The following RPS24 variants were observed in gnomAD, a reference collection of about 807,000 sequenced individuals.
RPS24 encodes ribosomal protein S24, also known as small ribosomal subunit protein eS24.
For synonymous variants in RPS24, 72 were observed against 55.6 expected, an observed-to-expected ratio of 1.30 and a Z score of -1.31; for missense variants, 100 against 162.5, an observed-to-expected ratio of 0.62 and a Z score of 2.09.
exon 5 of RPS24, chr10:78,055,691 T>C (rs1266301701): frequency 6.6e-6 from 1 of 152,148 alleles, no homozygotes; most frequent in East Asian, 1.9e-4. Flanking sequence ...GAAACTGAGG[T>C]ACACAAAAGG....
intron 4 of RPS24, chr10:78,038,020 C>A: frequency 8.0e-7 from 1 of 1,243,632 alleles, no homozygotes; most frequent in Non-Finnish European, 1.1e-6. Context: ...GATGCATCAC[C>A]TTCACTGAGT....
intron 4 of RPS24, among the ~76,000 whole-genome samples, chr10:78,054,348 A>G (rs1848129819): frequency 6.6e-6 from 1 of 152,156 alleles, no homozygotes; most frequent in Non-Finnish European, 1.5e-5. Context: ...GAACTCCTGC[A>G]GGTACCTGGC....
chr10:78,047,617 T>C (rs906711452), intron 4 of RPS24, among the ~76,000 whole-genome samples: 1 of 152,188 alleles, frequency 6.6e-6, no homozygotes, highest in East Asian at 1.9e-4. Context: ...ATCTTGTTTA[T>C]AGGATTCGGC....
At chr10:78,042,700 C>T (rs1055398532), downstream of RPS24, among the ~76,000 whole-genome samples, 1 of 152,106 alleles carries the variant, frequency 6.6e-6, no homozygotes, top group Non-Finnish European at 1.5e-5. Context: ...TTAGAGAGAG[C>T]AGGGATCTTT....
At chr10:78,037,824 T>A (rs1847905343) in intron 4 of RPS24, 1 of 530,642 alleles carries the variant, frequency 1.9e-6, no homozygotes, top group African/African-American at 2.0e-5. Flanking sequence ...TAGCTGTAAA[T>A]AGTTGGACAT....
At chr10:78,038,471 A>T (rs1274047004) in intron 4 of RPS24, 28 of 151,958 alleles carry the variant, frequency 1.8e-4, no homozygotes, top group Admixed American at 1.8e-3. Context: ...GTTTGGATAT[A>T]CGCAAAACTG....
At chr10:78,046,223 C>T (rs1442279784) in intron 4 of RPS24, among the ~76,000 whole-genome samples, 5 of 152,086 alleles carry the variant, frequency 3.3e-5, no homozygotes, top group African/African-American at 1.2e-4. Context: ...CTGTCTCTGC[C>T]CTCAAGAAGC....
chr10:78,034,124 C>T lies in RPS24; in HGVS notation c.3+220C>T, dbSNP rs79606962. 0.019 allele frequency: 11,292 copies of T among 589,028 alleles called. 988 individuals are homozygous for T. The highest frequency in any genetic ancestry group is 0.19 in the African/African-American group (10,074 of 53,670). 36.5% of individuals were successfully genotyped at this position (589,028 alleles called of 1,614,324 possible). A position where few individuals can be genotyped will look rare whatever the true frequency, so the allele number is the denominator to read the frequency against. The stretch of plus-strand genomic sequence containing the variant: ...ACACGCTGGGCTTCGGGCTCCAGCG[C>T]CTGGGCAGTGCAGGAGCTGTTGCGC... On this transcript the variant is annotated intron_variant, in intron 1 of 5. Transcript: ENST00000372360.
chr10:78,036,993 T>C (rs2131979251), intron 3 of RPS24, among the ~76,000 whole-genome samples: 1 of 152,326 alleles, frequency 6.6e-6, no homozygotes. Context: ...GGACCATTTG[T>C]TTCCTGTGAG....
At chr10:78,037,648 G>A (rs967626783) in intron 4 of RPS24, 2 of 328,126 alleles carry the variant, frequency 6.1e-6, no homozygotes, top group Non-Finnish European at 1.2e-5. Flanking sequence ...CCCATTCCCT[G>A]TGATTTTACT....
chr10:78,047,611 T>TG (rs928328035), intron 4 of RPS24, among the ~76,000 whole-genome samples: 1 of 152,156 alleles, frequency 6.6e-6, no homozygotes, highest in Non-Finnish European at 1.5e-5. Flanking sequence ...GTGGTAATCT[T>TG]GTTTATAGGA....
chr10:78,040,083 T>C (rs777785878), intron 4 of RPS24, 121 bp from the exon 5 acceptor site: 3 of 890,176 alleles, frequency 3.4e-6, no homozygotes, highest in Non-Finnish European at 5.7e-6. Context: ...AAAATGGTCA[T>C]CTTTAAGGTA....
downstream of RPS24, among the ~76,000 whole-genome samples, chr10:78,041,947 C>T (rs1270609585): frequency 6.6e-6 from 1 of 152,230 alleles, no homozygotes; most frequent in Admixed American, 6.5e-5. Context: ...AAGTTGTAGT[C>T]TTTCAGCCAG....
At chr10:78,047,844 A>G (rs1848061465) in intron 4 of RPS24, among the ~76,000 whole-genome samples, 1 of 152,222 alleles carries the variant, frequency 6.6e-6, no homozygotes, top group African/African-American at 2.4e-5. Context: ...TTCTGCCTAC[A>G]GTGCTATGCC....
At chr10:78,037,924 T>C in intron 4 of RPS24, 3 of 1,000,196 alleles carry the variant, frequency 3.0e-6, no homozygotes, top group Admixed American at 3.4e-5. Flanking sequence ...TTTTTTTTTT[T>C]TGCTTTTCCT....
intron 1 of RPS24, among the ~76,000 whole-genome samples, chr10:78,035,030 C>A (rs1479982430): frequency 6.6e-6 from 1 of 152,120 alleles, no homozygotes; most frequent in East Asian, 1.9e-4. Context: ...AACATACAGT[C>A]CCCACAACAT....
rs757084547 is a variant in RPS24, at chr10:78,035,532, G to A, written c.91G>A (p.Gly31Arg). Reference protein sequence around the residue: ...KQMVIDVLHPGKATVPKTEIR... With the variant: ...KQMVIDVLHPRKATVPKTEIR... ...TTAGGTCATTGATGTCCTTCACCCCGGGAAGGCGACAGTGCCTAAGACAGA... is the reference window on the plus strand; with the variant it reads ...TTAGGTCATTGATGTCCTTCACCCCAGGAAGGCGACAGTGCCTAAGACAGA... Residue 31 changes from glycine (G) to arginine (R), a missense_variant, in exon 3 of 6, where the codon GGG (glycine) becomes AGG (arginine). By Grantham distance (125) the Gly-to-Arg change is moderately radical (BLOSUM62 -2). Coordinates refer to ENST00000372360, the MANE Select transcript of RPS24 (RefSeq NM_033022.4). 8 of 1,614,078 alleles carry A rather than the reference G, an allele frequency of 5.0e-6. 1 individual carries two copies. The highest frequency in any genetic ancestry group is 2.2e-5 in the South Asian group (2 of 91,068).
At chr10:78,040,053 T>TA in intron 4 of RPS24, 151 bp from the exon 5 acceptor site, 1 of 739,310 alleles carries the variant, frequency 1.4e-6, no homozygotes, top group East Asian at 2.7e-5. Flanking sequence ...AGGAGTGCTC[T>TA]GTATACAATT....
At chr10:78,055,722 G>A (rs1269629552) in exon 5 of RPS24, 2 of 152,198 alleles carry the variant, frequency 1.3e-5, no homozygotes, top group African/African-American at 2.4e-5. Context: ...CAAGTTAGGG[G>A]CAGAACCTAG....
Sources: gnomAD v4.1 joint callset for allele counts (sites outside exome capture counted in the v4.1 genomes callset) on GRCh38, gnomAD v4.1.1 for gene constraint, MANE v1.5 for transcripts, NCBI Gene and HGNC (gene_info 2026-07-23, HGNC 2026-07-21) for gene names.